The following EDNRA variants were observed in gnomAD, a reference collection of about 807,000 sequenced individuals.
EDNRA encodes the protein endothelin receptor type A.
EDNRA carries 11 observed loss-of-function variants against 41.4 expected under a neutral mutation model. The observed-to-expected ratio is 0.27, with a 90% CI of 0.17 to 0.44. The LOEUF (loss-of-function observed/expected upper bound fraction) is 0.44. EDNRA is among the 20% of genes least tolerant of loss of function. The pLI is 1.00. For missense variants in EDNRA, 294 were observed against 531.0 expected (o/e 0.55, Z 4.39); for synonymous variants, 172 against 183.0 (o/e 0.94, Z 0.49).
At chr4:147,540,762 A>T (rs1731070872) in intron 7 of EDNRA, among the ~76,000 whole-genome samples, 1 of 152,242 alleles carries the variant, frequency 6.6e-6, no homozygotes, top group Non-Finnish European at 1.5e-5. Flanking sequence ...AAATGTTTCA[A>T]TGTATGCTCC....
chr4:147,504,147 T>G (rs1213757320), intron 2 of EDNRA, among the ~76,000 whole-genome samples: 1 of 152,214 alleles, frequency 6.6e-6, no homozygotes, highest in Admixed American at 6.5e-5. Context: ...AAATGTCGTT[T>G]AAAAAAGGAT....
intron 2 of EDNRA, among the ~76,000 whole-genome samples, chr4:147,511,223 C>A (rs1729911147): frequency 1.3e-5 from 2 of 152,136 alleles, no homozygotes; most frequent in South Asian, 4.2e-4. Context: ...GTATGCCATT[C>A]TTATCTGAAG....
intron 3 of EDNRA, among the ~76,000 whole-genome samples, chr4:147,523,685 T>C (rs554169587): frequency 1.1e-4 from 17 of 151,930 alleles, no homozygotes; most frequent in Admixed American, 9.8e-4. Context: ...AGAGACGGGG[T>C]TTCACCGTGT....
At chr4:147,523,480 G>GTTTTTTTGT (rs1224309118) in intron 3 of EDNRA, among the ~76,000 whole-genome samples, 2 of 140,556 alleles carry the variant, frequency 1.4e-5, no homozygotes, top group Non-Finnish European at 3.0e-5. Context: ...TGTTGTTGTT[G>GTTTTTTTGT]TTTTTTTGTT....
In EDNRA at chr4:147,486,781, C is replaced by T. The variant is rs979950325; in HGVS notation, c.420+680C>T. Among the ~76,000 whole-genome samples, 5 of 152,030 alleles carry T rather than the reference C, an allele frequency of 3.3e-5. No individual in the cohort carries two copies. The South Asian group carries it at 1.0e-3, about 32-fold the overall frequency. On this transcript the variant is annotated intron_variant, in intron 2 of 7. Coordinates refer to ENST00000651419, the MANE Select transcript of EDNRA (RefSeq NM_001957.4). This position sits in a 1 kb window ranked among gnomAD's most constrained non-coding sequence, Gnocchi z 4.3. ...CATTTATTGAGCACCCACTGTGTGC[C>T]CACCCCTGAGCTAGGCAGTAAGGAA...
intron 2 of EDNRA, among the ~76,000 whole-genome samples, chr4:147,503,505 T>C (rs1017844341): frequency 6.6e-6 from 1 of 152,208 alleles, no homozygotes; most frequent in African/African-American, 2.4e-5. Context: ...ACCATACTGA[T>C]GCCTGCCACT....
intron 1 of EDNRA, 92 bp from the exon 2 acceptor site, chr4:147,485,520 C>A: frequency 1.2e-6 from 1 of 807,872 alleles, no homozygotes; most frequent in Non-Finnish European, 1.9e-6. Context: ...CAAATATATC[C>A]TGCATTTTAA....
chr4:147,503,706 TC>T (rs1314854427), intron 2 of EDNRA, among the ~76,000 whole-genome samples: 1 of 152,184 alleles, frequency 6.6e-6, no homozygotes, highest in Non-Finnish European at 1.5e-5. Context: ...TATGTGACCT[TC>T]AGAGTTTCGT....
intron 2 of EDNRA, among the ~76,000 whole-genome samples, chr4:147,500,009 T>C (rs978387778): frequency 6.6e-6 from 1 of 151,982 alleles, no homozygotes; most frequent in African/African-American, 2.4e-5. Flanking sequence ...TTCACCGTGT[T>C]GGCCAGGCTG....
At position 147,524,522 on chromosome 4, in the gene EDNRA, G is replaced by T. The variant is rs57202434; in HGVS notation, c.548+4544G>T. On this transcript the variant is annotated intron_variant, in intron 3 of 7. Coordinates refer to ENST00000651419, the MANE Select transcript of EDNRA (RefSeq NM_001957.4). ...GACTGAAGGAAGGAGGGAAGGAAAA[G>T]AAAGAAAAGAAAAAAAAGAAAAGAA... is the stretch of plus-strand genomic sequence containing the variant. Among the ~76,000 whole-genome samples the T allele has an allele frequency of 2.6e-3, 394 of 151,618 alleles. 1 individual carries two copies. The highest frequency in any genetic ancestry group is 8.9e-3 in the African/African-American group (367 of 41,362).
intron 3 of EDNRA, among the ~76,000 whole-genome samples, chr4:147,528,438 G>A (rs977387748): frequency 2.7e-5 from 4 of 149,296 alleles, no homozygotes; most frequent in East Asian, 3.9e-4. Context: ...GATCGCTGCA[G>A]GCTCAACCTC....
At position 147,486,108 on chromosome 4, in the gene EDNRA, A is replaced by G. The variant is rs1728937080; in HGVS notation, c.420+7A>G. On this transcript the variant is annotated splice_region_variant and intron_variant, in intron 2 of 7. Coordinates refer to ENST00000651419, the MANE Select transcript of EDNRA (RefSeq NM_001957.4). The surrounding 1 kb of genome is among the most constrained non-coding windows in gnomAD (Gnocchi z 4.3). The stretch of plus-strand genomic sequence containing the variant: ...CCCTATCAATGTATTTAAGGTAGGA[A>G]GTAACCACAAATGTATTTGCAAATT... 1 of 1,598,356 alleles carries G rather than the reference A, an allele frequency of 6.3e-7. No homozygotes were observed. Among genetic ancestry groups the G allele is most frequent in the Non-Finnish European group, 8.5e-7 (1 of 1,170,216 alleles).
intron 2 of EDNRA, among the ~76,000 whole-genome samples, chr4:147,509,255 G>A (rs1358521415): frequency 6.6e-6 from 1 of 152,156 alleles, no homozygotes; most frequent in East Asian, 1.9e-4. Context: ...ATGTGTGATG[G>A]TGAAGAGTAC....
intron 7 of EDNRA, among the ~76,000 whole-genome samples, chr4:147,541,855 C>T (rs1195517713): frequency 5.3e-5 from 8 of 152,044 alleles, no homozygotes; most frequent in African/African-American, 1.9e-4. Flanking sequence ...TTATTACTTA[C>T]TCATTAATTT....
rs1276768559 is a variant in EDNRA at position 147,519,367 on chromosome 4, C to A, written c.421-484C>A. Among the ~76,000 whole-genome samples, 3 of 152,054 alleles carry A rather than the reference C, an allele frequency of 2.0e-5. No homozygotes were observed. The East Asian group carries it at 5.8e-4, about 29-fold the overall frequency. On this transcript the variant is annotated intron_variant, in intron 2 of 7. Coordinates refer to ENST00000651419, the MANE Select transcript of EDNRA (RefSeq NM_001957.4). This position sits in a 1 kb window ranked among gnomAD's most constrained non-coding sequence, Gnocchi z 4.1. ...CAATTCCAGTAGTTGAAATTATTTG[C>A]TTTACTCATGGTTTAGTAAGCACAG...
intron 1 of EDNRA, among the ~76,000 whole-genome samples, chr4:147,482,706 G>A (rs1214146629): frequency 6.6e-6 from 1 of 152,194 alleles, no homozygotes; most frequent in Non-Finnish European, 1.5e-5. Context: ...TGTCATTGTT[G>A]GAGGAGGAAG....
At chr4:147,517,356 A>C (rs1486886516) in intron 2 of EDNRA, among the ~76,000 whole-genome samples, 1 of 152,182 alleles carries the variant, frequency 6.6e-6, no homozygotes, top group Non-Finnish European at 1.5e-5. Context: ...GGACTGCTCC[A>C]ACACTGGTTC....
chr4:147,500,217 A>T (rs1729466589), intron 2 of EDNRA, among the ~76,000 whole-genome samples: 1 of 152,198 alleles, frequency 6.6e-6, no homozygotes, highest in South Asian at 2.1e-4. Flanking sequence ...ATAACTAAAA[A>T]CAGATGAATT....
chr4:147,485,112 A>G (rs1244280553), intron 1 of EDNRA, among the ~76,000 whole-genome samples: 1 of 152,218 alleles, frequency 6.6e-6, no homozygotes, highest in East Asian at 1.9e-4. Context: ...ATATGTTTGT[A>G]TCTCAACTCT....
Sources: gnomAD v4.1 joint callset for allele counts (sites outside exome capture counted in the v4.1 genomes callset) on GRCh38, gnomAD v4.1.1 for gene constraint, Gnocchi (gnomAD v3.1) non-coding constraint, MANE v1.5 for transcripts, NCBI Gene and HGNC (gene_info 2026-07-23, HGNC 2026-07-21) for gene names.